Variants in UGT1A1 observed in about 807,000 individuals in gnomAD.
UGT1A1 encodes UDP glucuronosyltransferase family 1 member A1, also known as UDP-glucuronosyltransferase 1A1.
A neutral mutation model predicts 40.6 loss-of-function variants in UGT1A1; 33 were observed. The ratio of observed to expected loss-of-function variants is 0.81; its 90% CI spans 0.62 to 1.09. The LOEUF is 1.09. UGT1A1 is among the 50% of genes least tolerant of loss of function. The pLI is 0.00. For missense variants in UGT1A1, 694 were observed against 671.2 expected (o/e 1.03, Z -0.38); for synonymous variants, 249 against 265.0 (o/e 0.94, Z 0.59).
At position 233,765,498 on chromosome 2, in the gene UGT1A1, A is replaced by T. The variant is rs145381988; in HGVS notation, c.865-1536A>T. Among the ~76,000 whole-genome samples the T allele has an allele frequency of 4.4e-3, 672 of 152,238 alleles. 2 individuals carry two copies. Among genetic ancestry groups the T allele is most frequent in the African/African-American group, 0.015 (643 of 41,546 alleles). On this transcript the variant is annotated intron_variant, in intron 1 of 4. Coordinates refer to ENST00000305208, the MANE Select transcript of UGT1A1 (RefSeq NM_000463.3). ...GGAAGCCATCATCCTCCACAAACTAACACAGGAACAGAAAATCAAACACCG... is the reference window on the plus strand; with the variant it reads ...GGAAGCCATCATCCTCCACAAACTATCACAGGAACAGAAAATCAAACACCG...
At chr2:233,762,613 G>C (rs1698113480) in intron 1 of UGT1A1, among the ~76,000 whole-genome samples, 2 of 152,034 alleles carry the variant, frequency 1.3e-5, no homozygotes, top group South Asian at 4.1e-4. Flanking sequence ...GAGTTTTGTT[G>C]TTGTGACCTC....
rs1043133002 is a variant in UGT1A1 at position 233,769,410 on chromosome 2, C to A, written c.1304+971C>A. 7.5e-7 allele frequency: 1 copy of A among 1,333,034 alleles called. No homozygotes were observed. The highest frequency in any genetic ancestry group is 1.1e-6 in the Non-Finnish European group (1 of 947,460). The allele number at this position is 1,333,034 out of a possible 1,614,324, so 82.6% of individuals were successfully genotyped here. ...GATACTGTGTGCATATGTGCGTGTG[C>A]GTTTGTGCATGTGGCTGTGCTCATG... On this transcript the variant is annotated intron_variant, in intron 4 of 4. Transcript: ENST00000305208. The surrounding 1 kb of genome is among the most constrained non-coding windows in gnomAD (Gnocchi z 4.4).
At chr2:233,766,090 G>A (rs1699047199) in intron 1 of UGT1A1, among the ~76,000 whole-genome samples, 1 of 152,166 alleles carries the variant, frequency 6.6e-6, no homozygotes, top group Admixed American at 6.5e-5. Flanking sequence ...CAAGGACAGA[G>A]GGCTTTCTGT....
At position 233,764,014 on chromosome 2, in the gene UGT1A1, A is replaced by G. The variant is rs28900399; in HGVS notation, c.864+2863A>G. On this transcript the variant is annotated intron_variant, in intron 1 of 4. Transcript: ENST00000305208. ...GATGGTGAAGTCACAGATGACCCACATGGTGTCTAAGTGCTAAAGAAGAAT... is the reference window on the plus strand; with the variant it reads ...GATGGTGAAGTCACAGATGACCCACGTGGTGTCTAAGTGCTAAAGAAGAAT... Among the ~76,000 whole-genome samples the G allele has an allele frequency of 9.6e-3, 1,456 of 152,328 alleles. 29 individuals are homozygous for G. The highest frequency in any genetic ancestry group is 0.033 in the African/African-American group (1,365 of 41,562).
rs1395770157 is a variant in UGT1A1 at position 233,761,009 on chromosome 2, A to G, written c.722A>G (p.Glu241Gly). The part of the protein sequence containing the change: ...ATLASEFLQR[E>G]VTVQDLLSSA... Reference sequence around the variant, plus strand: ...CTTGCCTCAGAATTCCTTCAGAGAGAGGTGACTGTCCAGGACCTATTGAGC... The same window carrying G: ...CTTGCCTCAGAATTCCTTCAGAGAGGGGTGACTGTCCAGGACCTATTGAGC... The change falls in exon 1 of 5, where the codon GAG becomes GGG. Residue 241 changes from glutamate (E) to glycine (G), a missense_variant. Physicochemically the swap from Glu to Gly is moderately conservative, Grantham distance 98 (BLOSUM62 -2). Transcript: ENST00000305208. The G allele has an allele frequency of 2.5e-6, 4 of 1,613,884 alleles. No individual in the cohort carries two copies. The highest frequency in any genetic ancestry group is 3.4e-6 in the Non-Finnish European group (4 of 1,180,008).
chr2:233,766,445 C>A (rs1699154824), intron 1 of UGT1A1, among the ~76,000 whole-genome samples: 1 of 152,174 alleles, frequency 6.6e-6, no homozygotes, highest in African/African-American at 2.4e-5. Flanking sequence ...TGTGTGTCTG[C>A]CTGCTAGGGT....
At position 233,767,889 on chromosome 2, in the gene UGT1A1, C is replaced by A; in HGVS notation, c.1037C>A (p.Ala346Glu). The A allele has an allele frequency of 2.5e-6, 4 of 1,614,136 alleles. No individual in the cohort carries two copies. Among genetic ancestry groups the A allele is most frequent in the Non-Finnish European group, 3.4e-6 (4 of 1,180,034 alleles). ...ACTGGAACCCGACCATCGAATCTTG[C>A]GAACAACACGATACTTGTTAAGTGG... ...RYTGTRPSNLANNTILVKWLP... is the reference protein window; with the variant it reads ...RYTGTRPSNLENNTILVKWLP... Residue 346 changes from alanine (A) to glutamate (E), a missense_variant, in exon 3 of 5, where the codon GCG becomes GAG. Physicochemically the swap from Ala to Glu is moderately radical, Grantham distance 107. Transcript: ENST00000305208.
At chr2:233,764,091 A>T (rs1189642052) in intron 1 of UGT1A1, among the ~76,000 whole-genome samples, 1 of 152,202 alleles carries the variant, frequency 6.6e-6, no homozygotes, top group East Asian at 1.9e-4. Flanking sequence ...AAAAGCCTAA[A>T]CTAAAAATAC....
rs2125983506 is a variant in UGT1A1, at chr2:233,760,401, C to T, written c.114C>T (p.Ser38=). The T allele has an allele frequency of 6.2e-7, 1 of 1,614,220 alleles. No homozygotes were observed. Among genetic ancestry groups the T allele is most frequent in the Non-Finnish European group, 8.5e-7 (1 of 1,180,040 alleles). ...TACTGTTGATCCCAGTGGATGGCAGCCACTGGCTGAGCATGCTTGGGGCCA... is the reference window on the plus strand; with the variant it reads ...TACTGTTGATCCCAGTGGATGGCAGTCACTGGCTGAGCATGCTTGGGGCCA... ...GKILLIPVDG[S]HWLSMLGAIQ... is the part of the protein sequence containing the mutation. The change falls in exon 1 of 5, where the codon AGC becomes AGT. Residue 38 remains serine (S), a synonymous_variant. Transcript: ENST00000305208.
rs551497641 is a variant in UGT1A1 at position 233,769,657 on chromosome 2, C to T, written c.1304+1218C>T. ...GGGAGGACTGATGACTGACTTCCCA[C>T]CTTTGAGGTGCTAATGTGTGTGTGG... On this transcript the variant is annotated intron_variant, in intron 4 of 4. Transcript: ENST00000305208. This position sits in a 1 kb window ranked among gnomAD's most constrained non-coding sequence, Gnocchi z 4.4. 6.2e-7 allele frequency: 1 copy of T among 1,602,246 alleles called. No individual in the cohort carries two copies. Among genetic ancestry groups the T allele is most frequent in the African/African-American group, 1.3e-5 (1 of 74,712 alleles).
At chr2:233,762,024 A>AT (rs967311965) in intron 1 of UGT1A1, among the ~76,000 whole-genome samples, 3 of 151,856 alleles carry the variant, frequency 2.0e-5, no homozygotes, top group African/African-American at 4.8e-5. Context: ...TTTGTATTTT[A>AT]TTTTTTTTAA....
rs766058550 is a variant in UGT1A1, at chr2:233,767,176, T to C, written c.996+11T>C. 2 of 1,614,040 alleles carry C rather than the reference T, an allele frequency of 1.2e-6. No individual in the cohort carries two copies. Among genetic ancestry groups the C allele is most frequent in the Admixed American group, 1.7e-5 (1 of 60,022 alleles). Reference sequence around the variant, plus strand: ...AAAATCCCTCAGACAGTAAGAAGATTCTATACCATGGCCTCATATCTATTT... The same window carrying C: ...AAAATCCCTCAGACAGTAAGAAGATCCTATACCATGGCCTCATATCTATTT... On this transcript the variant is annotated intron_variant, in intron 2 of 4. Coordinates refer to ENST00000305208, the MANE Select transcript of UGT1A1 (RefSeq NM_000463.3).
chr2:233,770,355 G>C (rs1271934216), intron 4 of UGT1A1: 2 of 152,122 alleles, frequency 1.3e-5, no homozygotes, highest in African/African-American at 4.8e-5. Flanking sequence ...ACTATTGAAT[G>C]AATGAATGAA....
rs766281304 is a variant in UGT1A1 at position 233,769,518 on chromosome 2, T to C, written c.1304+1079T>C. On this transcript the variant is annotated intron_variant, in intron 4 of 4. Coordinates refer to ENST00000305208, the MANE Select transcript of UGT1A1 (RefSeq NM_000463.3). This position sits in a 1 kb window ranked among gnomAD's most constrained non-coding sequence, Gnocchi z 4.4. ...GAGTGTCCATTGCTTTCTCCCATGG[T>C]TACCTCCTTTAGAAAGAAGCAGCAG... The C allele has an allele frequency of 1.2e-6, 2 of 1,612,876 alleles. No homozygotes were observed. Among genetic ancestry groups the C allele is most frequent in the South Asian group, 2.2e-5 (2 of 91,072 alleles).
At position 233,769,418 on chromosome 2, in the gene UGT1A1, C is replaced by T; in HGVS notation, c.1304+979C>T. The T allele has an allele frequency of 1.4e-6, 2 of 1,431,096 alleles. No individual in the cohort carries two copies. The highest frequency in any genetic ancestry group is 1.9e-6 in the Non-Finnish European group (2 of 1,028,754). The allele number at this position is 1,431,096 out of a possible 1,614,324, so 88.6% of individuals were successfully genotyped here. ...GTGCATATGTGCGTGTGCGTTTGTG[C>T]ATGTGGCTGTGCTCATGTGTGGGTG... On this transcript the variant is annotated intron_variant, in intron 4 of 4. Transcript: ENST00000305208. The surrounding 1 kb of genome is among the most constrained non-coding windows in gnomAD (Gnocchi z 4.4).
At chr2:233,764,706 G>C (rs1698626413) in intron 1 of UGT1A1, among the ~76,000 whole-genome samples, 1 of 152,180 alleles carries the variant, frequency 6.6e-6, no homozygotes, top group Non-Finnish European at 1.5e-5. Context: ...AATGAGCTGT[G>C]TCTCCCCAAG....
At position 233,768,257 on chromosome 2, in the gene UGT1A1, T is replaced by C. The variant is rs139698110; in HGVS notation, c.1122T>C (p.Gly374=). ...CCCGTGCCTTTATCACCCATGCTGG[T>C]TCCCATGGTGTTTATGAAAGCATAT... ...PMTRAFITHA[G]SHGVYESICN... is the part of the protein sequence containing the mutation. The change falls in exon 4 of 5, where the codon GGT becomes GGC. Residue 374 remains glycine, a synonymous_variant. Transcript: ENST00000305208. 1.8e-3 allele frequency: 2,975 copies of C among 1,614,198 alleles called. 7 individuals are homozygous for C. Among genetic ancestry groups the C allele is most frequent in the Non-Finnish European group, 2.4e-3 (2,868 of 1,180,032 alleles).
chr2:233,772,112 C>A, intron 4 of UGT1A1, 150 bp from the exon 5 acceptor site: 1 of 1,527,992 alleles, frequency 6.5e-7, no homozygotes, highest in South Asian at 1.2e-5. Context: ...GACTCTGTAT[C>A]TAAAAACAAC....
chr2:233,772,599 C>A lies in UGT1A1; in HGVS notation c.*40C>A, dbSNP rs1313882407. ...ATAAGGTAAAATTTTGAACCATTCC[C>A]TAGTCATTTCCAAACTTGAAAACAG... On this transcript the variant is annotated 3_prime_UTR_variant, in exon 5 of 5. Coordinates refer to ENST00000305208, the MANE Select transcript of UGT1A1 (RefSeq NM_000463.3). 3.8e-6 allele frequency: 6 copies of A among 1,591,492 alleles called. No individual in the cohort carries two copies. Among genetic ancestry groups the A allele is most frequent in the Non-Finnish European group, 5.1e-6 (6 of 1,168,132 alleles).
Sources: gnomAD v4.1 joint callset for allele counts (sites outside exome capture counted in the v4.1 genomes callset) on GRCh38, gnomAD v4.1.1 for gene constraint, Gnocchi (gnomAD v3.1) non-coding constraint, MANE v1.5 for transcripts, NCBI Gene and HGNC (gene_info 2026-07-23, HGNC 2026-07-21) for gene names.